Variants in ZNF276 observed in about 807,000 individuals in gnomAD.
ZNF276 encodes the protein zinc finger protein 276, also known as centromere protein Z.
Under a neutral mutation model 63.9 loss-of-function variants are expected in ZNF276, and 59 were observed. That is an observed-to-expected ratio of 0.92 (90% CI 0.75 to 1.15). The LOEUF is 1.15. Ranked by LOEUF, ZNF276 falls within the 50% of genes most tolerant of loss-of-function variation. The probability of loss-of-function intolerance (pLI) is 0.00; values close to 1 mark genes in which losing one functional copy is unlikely to be tolerated. For missense variants in ZNF276, 1,084 were observed against 843.8 expected, an observed-to-expected ratio of 1.28 and a Z score of -3.53; for synonymous variants, 496 against 348.4, an observed-to-expected ratio of 1.42 and a Z score of -4.72.
chr16:89,724,836 A>G (rs2061419879), intron 4 of ZNF276, among the ~76,000 whole-genome samples: 1 of 72,920 alleles, frequency 1.4e-5, no homozygotes, highest in Non-Finnish European at 4.5e-5. Flanking sequence ...CTACCTACCT[A>G]TCTATCTTCC....
At chr16:89,733,231 G>A in intron 6 of ZNF276, 71 bp from the exon 7 acceptor site, 1 of 1,390,038 alleles carries the variant, frequency 7.2e-7, no homozygotes, top group Non-Finnish European at 1.0e-6. Context: ...CATTTCTCAG[G>A]TTGGAGAGAC....
Position 89,740,356 on chromosome 16 carries a change from C to T in ZNF276, c.*2110C>T. Reference sequence around the variant, plus strand: ...AATAAGACATTAAAAGAAAGGCCCACAGGCCGGATGCAGTGGCTCATGCCT... The same window carrying T: ...AATAAGACATTAAAAGAAAGGCCCATAGGCCGGATGCAGTGGCTCATGCCT... On this transcript the variant is annotated 3_prime_UTR_variant, in exon 11 of 11. Transcript: ENST00000443381. 1 of 534,908 alleles carries T rather than the reference C, an allele frequency of 1.9e-6. No homozygotes were observed. Among genetic ancestry groups the T allele is most frequent in the Non-Finnish European group, 3.4e-6 (1 of 297,022 alleles). The allele number at this position is 534,908 out of a possible 1,614,324, so 33.1% of individuals were successfully genotyped here.
chr16:89,738,547 C>G lies in ZNF276; in HGVS notation c.*301C>G, dbSNP rs544435184. ...AGTGCAACAAGAGCTCCATGTTATG[C>G]TTGTAATAAATTATTTACACGGGAG... On this transcript the variant is annotated 3_prime_UTR_variant, in exon 11 of 11. Coordinates refer to ENST00000443381, the MANE Select transcript of ZNF276 (RefSeq NM_001113525.2). The G allele has an allele frequency of 6.2e-7, 1 of 1,611,094 alleles. No individual in the cohort carries two copies. The highest frequency in any genetic ancestry group is 2.2e-5 in the East Asian group (1 of 44,890).
chr16:89,729,419 C>T (rs796859354), intron 6 of ZNF276, 101 bp downstream of exon 6: 6 of 1,059,886 alleles, frequency 5.7e-6, no homozygotes, highest in Non-Finnish European at 7.2e-6. Context: ...AGTTCACTCT[C>T]TCGTGTGCGG....
intron 9 of ZNF276, among the ~76,000 whole-genome samples, chr16:89,735,197 T>C (rs1034016143): frequency 3.9e-5 from 6 of 152,008 alleles, no homozygotes; most frequent in African/African-American, 1.4e-4. Flanking sequence ...ATCCCTGGTA[T>C]TCAGAGGGCT....
upstream of ZNF276, chr16:89,720,658 C>G: frequency 8.1e-7 from 1 of 1,239,064 alleles, no homozygotes; most frequent in Non-Finnish European, 1.0e-6. Context: ...CTGGCGCCCG[C>G]TCCCAAGTCT....
rs760587384 is a variant in ZNF276, at chr16:89,723,234, C to G, written c.557-26C>G. 3.7e-6 allele frequency: 6 copies of G among 1,613,284 alleles called. No homozygotes were observed. In the Admixed American group the frequency reaches 8.3e-5, roughly 22 times the overall value. On this transcript the variant is annotated intron_variant, in intron 3 of 10. Coordinates refer to ENST00000443381, the MANE Select transcript of ZNF276 (RefSeq NM_001113525.2). ...GGCTGGGTGCCGACCAGCCGTGGAT[C>G]TGACATCTCTGTTGACTCTCTGCAG...
chr16:89,726,772 G>A (rs1355983664), intron 4 of ZNF276, among the ~76,000 whole-genome samples: 3 of 151,850 alleles, frequency 2.0e-5, no homozygotes, highest in African/African-American at 7.3e-5. Flanking sequence ...CAGCCTCCCA[G>A]GTAGCTGGGA....
chr16:89,727,437 A>G, intron 5 of ZNF276, 80 bp downstream of exon 5: 1 of 1,516,450 alleles, frequency 6.6e-7, no homozygotes, highest in East Asian at 2.3e-5. Context: ...GTGAGAGAAG[A>G]GTGGGTTTAA....
At chr16:89,730,027 G>A (rs910836214) in intron 6 of ZNF276, among the ~76,000 whole-genome samples, 11 of 152,282 alleles carry the variant, frequency 7.2e-5, no homozygotes, top group African/African-American at 2.2e-4. Flanking sequence ...AAGGTCCAGA[G>A]GGCAGGTGGC....
upstream of ZNF276, chr16:89,720,614 G>A (rs141038007): frequency 3.5e-5 from 43 of 1,221,800 alleles, no homozygotes; most frequent in East Asian, 1.1e-3. Flanking sequence ...CCCCGCCCCC[G>A]TCCTCGCCCG....
intron 1 of ZNF276, 111 bp from the exon 2 acceptor site, chr16:89,722,420 G>T: frequency 7.7e-7 from 1 of 1,293,660 alleles, no homozygotes. Flanking sequence ...GCTGTGTCCG[G>T]GAGCCGCGCG....
At chr16:89,731,238 A>G (rs996383364) in intron 6 of ZNF276, among the ~76,000 whole-genome samples, 2 of 152,220 alleles carry the variant, frequency 1.3e-5, no homozygotes, top group African/African-American at 2.4e-5. Context: ...TGCGAAGTCA[A>G]CAGTTCTTCT....
intron 9 of ZNF276, among the ~76,000 whole-genome samples, chr16:89,735,161 C>T (rs72807546): frequency 0.12 from 18,726 of 151,920 alleles, 1,495 homozygotes; most frequent in Middle Eastern, 0.29. Context: ...CCACGTGGAC[C>T]CACATATCCA....
Position 89,738,429 on chromosome 16 carries a change from C to A in ZNF276, c.*183C>A, listed in dbSNP as rs577149121. 7.3e-7 allele frequency: 1 copy of A among 1,377,548 alleles called. No homozygotes were observed. 85.3% of individuals were successfully genotyped at this position (1,377,548 alleles called of 1,614,324 possible). A position where few individuals can be genotyped will look rare whatever the true frequency, so the allele number is the denominator to read the frequency against. On this transcript the variant is annotated 3_prime_UTR_variant, in exon 11 of 11. Transcript: ENST00000443381. Reference sequence around the variant, plus strand: ...CTCTGGGACCAGTGGTTTATTTTCCCGCAAACGCTGAGTGACTCGGGGCCG... The same window carrying A: ...CTCTGGGACCAGTGGTTTATTTTCCAGCAAACGCTGAGTGACTCGGGGCCG...
chr16:89,739,144 G>C lies in ZNF276; in HGVS notation c.*898G>C. 6.2e-7 allele frequency: 1 copy of C among 1,614,138 alleles called. No individual in the cohort carries two copies. The highest frequency in any genetic ancestry group is 8.5e-7 in the Non-Finnish European group (1 of 1,180,022). On this transcript the variant is annotated 3_prime_UTR_variant, in exon 11 of 11. Transcript: ENST00000443381. ...GCCCTTGCACCTGCCTGACCCTTGA[G>C]CTCCAGGCTCCTGCCAGCTGGAGGT...
Position 89,740,174 on chromosome 16 carries a change from C to T in ZNF276, c.*1928C>T. The T allele has an allele frequency of 2.6e-6, 3 of 1,148,832 alleles. No individual in the cohort carries two copies. The South Asian group carries it at 3.7e-5, about 14-fold the overall frequency. The allele number at this position is 1,148,832 out of a possible 1,614,324, so 71.2% of individuals were successfully genotyped here. A position where few individuals can be genotyped will look rare whatever the true frequency, so the allele number is the denominator to read the frequency against. ...ATGGGTAGGAGGGTACAGCCCTCAG[C>T]ACAGAAGAGGGCATTTCCTCTTTGC... is the stretch of plus-strand genomic sequence containing the variant. On this transcript the variant is annotated 3_prime_UTR_variant, in exon 11 of 11. Coordinates refer to ENST00000443381, the MANE Select transcript of ZNF276 (RefSeq NM_001113525.2).
At chr16:89,724,820 A>G (rs997816125) in intron 4 of ZNF276, among the ~76,000 whole-genome samples, 8 of 133,758 alleles carry the variant, frequency 6.0e-5, no homozygotes, top group Admixed American at 2.3e-4. Flanking sequence ...CTGTGTATCT[A>G]TCTACCTACC....
In ZNF276 at chr16:89,738,295, CTG is replaced by C. The variant is rs1567589796; in HGVS notation, c.*53_*54del. 1 of 1,539,186 alleles carries C rather than the reference CTG, an allele frequency of 6.5e-7. No homozygotes were observed. Among genetic ancestry groups the C allele is most frequent in the South Asian group, 1.2e-5 (1 of 83,892 alleles). On this transcript the variant is annotated 3_prime_UTR_variant, in exon 11 of 11. Transcript: ENST00000443381. ...TCTAGCAGCCTGGACTCCGCAGTGG[CTG>C]TGTCAGCCTCACCCTTCGTGTGCAC...
Sources: allele counts gnomAD v4.1 joint callset (sites outside exome capture counted in the v4.1 genomes callset), GRCh38; gene constraint gnomAD v4.1.1; transcripts MANE v1.5; gene names NCBI Gene and HGNC (gene_info 2026-07-23, HGNC 2026-07-21).